NEGR1: variants seen among roughly 807,000 people sequenced by gnomAD.
The protein encoded by NEGR1 is IgLON family member 4.
In NEGR1, 10 loss-of-function variants were observed where a neutral mutation model predicts 40.9. That is an observed-to-expected ratio of 0.24 (90% CI 0.15 to 0.42). NEGR1 has a LOEUF of 0.42. Ranked by LOEUF, NEGR1 falls within the 10% of genes least tolerant of loss-of-function variation. The pLI is 1.00. For missense variants in NEGR1, 352 were observed against 438.9 expected (o/e 0.80, Z 1.77); for synonymous variants, 185 against 166.8 (o/e 1.11, Z -0.84).
chr1:71,669,979 T>C (rs573216106), intron 4 of NEGR1, among the ~76,000 whole-genome samples: 2 of 152,252 alleles, frequency 1.3e-5, no homozygotes, highest in Non-Finnish European at 1.5e-5. Context: ...TTCTAAAACA[T>C]TATTACTAGT....
At chr1:71,848,539 A>G (rs1354599617) in intron 2 of NEGR1, among the ~76,000 whole-genome samples, 1 of 152,230 alleles carries the variant, frequency 6.6e-6, no homozygotes, top group Non-Finnish European at 1.5e-5. Context: ...AAAGGAAACA[A>G]CAAAGCCTGG....
In NEGR1 at chr1:72,157,052, T is replaced by TCCTCAGCTCAAGCAATCCTCCTA. The variant is rs1477207229; in HGVS notation, c.176+125244_176+125266dup. Among the ~76,000 whole-genome samples, 13 of 152,206 alleles carry TCCTCAGCTCAAGCAATCCTCCTA rather than the reference T, an allele frequency of 8.5e-5. No homozygotes were observed. In the East Asian group the frequency reaches 2.5e-3, roughly 29 times the overall value. On this transcript the variant is annotated intron_variant, in intron 1 of 6. Coordinates refer to ENST00000357731, the MANE Select transcript of NEGR1 (RefSeq NM_173808.3). Reference sequence around the variant, plus strand: ...ATCCTAGCTCATAAGAGCCTCCACCTCCTCAGCTCAAGCAATCCTCCTACC... The same window carrying TCCTCAGCTCAAGCAATCCTCCTA: ...ATCCTAGCTCATAAGAGCCTCCACCTCCTCAGCTCAAGCAATCCTCCTACCTCAGCTCAAGCAATCCTCCTACC...
chr1:71,476,010 C>A (rs2101364358), intron 6 of NEGR1, among the ~76,000 whole-genome samples: 1 of 152,098 alleles, frequency 6.6e-6, no homozygotes, highest in African/African-American at 2.4e-5. Flanking sequence ...CTTGATTTAT[C>A]TTTTGAGAAT....
chr1:72,008,341 G>A (rs1440304694), intron 1 of NEGR1, among the ~76,000 whole-genome samples: 2 of 151,978 alleles, frequency 1.3e-5, no homozygotes, highest in Non-Finnish European at 1.5e-5. Flanking sequence ...AAAAAGAAAG[G>A]TTTTTCTATC....
chr1:71,844,418 G>T (rs1018793135), intron 2 of NEGR1, among the ~76,000 whole-genome samples: 1 of 152,018 alleles, frequency 6.6e-6, no homozygotes, highest in Non-Finnish European at 1.5e-5. Flanking sequence ...TTTTACTTAT[G>T]GTTTTAATGG....
chr1:71,814,182 A>T (rs529443152), intron 2 of NEGR1, among the ~76,000 whole-genome samples: 8 of 152,212 alleles, frequency 5.3e-5, no homozygotes, highest in Non-Finnish European at 7.4e-5. Context: ...ATCTGTTGAG[A>T]TAATCATGCG....
chr1:71,514,893 C>A (rs1244220836), intron 6 of NEGR1, among the ~76,000 whole-genome samples: 6 of 107,524 alleles, frequency 5.6e-5, no homozygotes. Flanking sequence ...GCTGATGGAG[C>A]TGAAAACCAA....
At chr1:72,027,725 T>C (rs1234749085) in intron 1 of NEGR1, among the ~76,000 whole-genome samples, 1 of 152,212 alleles carries the variant, frequency 6.6e-6, no homozygotes, top group Non-Finnish European at 1.5e-5. Flanking sequence ...CTTGTGAATG[T>C]ATATCTCCAG....
At chr1:71,471,944 T>G (rs1029539444) in intron 6 of NEGR1, among the ~76,000 whole-genome samples, 23 of 152,062 alleles carry the variant, frequency 1.5e-4, no homozygotes, top group African/African-American at 5.6e-4. Flanking sequence ...CTTATCTTAT[T>G]CTCTATTCTT....
intron 6 of NEGR1, among the ~76,000 whole-genome samples, chr1:71,537,924 C>T (rs148924632): frequency 3.3e-5 from 5 of 151,608 alleles, no homozygotes; most frequent in African/African-American, 1.2e-4. Context: ...TCTTATGGGT[C>T]TTATTATGTG....
At chr1:71,603,253 C>T (rs926507783) in intron 5 of NEGR1, among the ~76,000 whole-genome samples, 1 of 152,176 alleles carries the variant, frequency 6.6e-6, no homozygotes, top group Non-Finnish European at 1.5e-5. Flanking sequence ...ATTTCTAGTA[C>T]TCTTCTAAAT....
intron 2 of NEGR1, among the ~76,000 whole-genome samples, chr1:71,782,874 C>T (rs1481963420): frequency 6.6e-6 from 1 of 152,092 alleles, no homozygotes; most frequent in Non-Finnish European, 1.5e-5. Context: ...AGTCCTTTGC[C>T]TACTATAGCT....
At chr1:71,434,918 C>T (rs544624854) in intron 6 of NEGR1, among the ~76,000 whole-genome samples, 10 of 152,190 alleles carry the variant, frequency 6.6e-5, no homozygotes, top group South Asian at 2.1e-4. Flanking sequence ...GGTGAAACCC[C>T]GTCTCTACTA....
At chr1:71,544,352 T>C (rs2101461075) in intron 6 of NEGR1, among the ~76,000 whole-genome samples, 1 of 151,804 alleles carries the variant, frequency 6.6e-6, no homozygotes, top group East Asian at 2.0e-4. Flanking sequence ...CATTTACTAG[T>C]TTGGTAATTT....
chr1:71,991,026 C>A (rs1254913101), intron 1 of NEGR1, among the ~76,000 whole-genome samples: 2 of 151,826 alleles, frequency 1.3e-5, no homozygotes, highest in Admixed American at 1.3e-4. Context: ...CATTCCCTAT[C>A]TTTGAATAAA....
At chr1:72,263,941 T>C (rs1312180097) in intron 1 of NEGR1, among the ~76,000 whole-genome samples, 2 of 151,496 alleles carry the variant, frequency 1.3e-5, no homozygotes, top group East Asian at 3.9e-4. Context: ...CCATCATTTA[T>C]GTAATACATA....
chr1:71,586,850 A>T (rs1649324878), intron 6 of NEGR1, among the ~76,000 whole-genome samples: 1 of 152,118 alleles, frequency 6.6e-6, no homozygotes, highest in African/African-American at 2.4e-5. Flanking sequence ...TTGGTAGAGA[A>T]CGACTTGATA....
intron 1 of NEGR1, among the ~76,000 whole-genome samples, chr1:72,079,028 T>C (rs1443567408): frequency 6.6e-6 from 1 of 150,434 alleles, no homozygotes; most frequent in African/African-American, 2.4e-5. Context: ...TGAGGTTATT[T>C]AGATTTTAAA....
At chr1:71,535,373 T>A (rs1201459965) in intron 6 of NEGR1, among the ~76,000 whole-genome samples, 1 of 151,672 alleles carries the variant, frequency 6.6e-6, no homozygotes. Flanking sequence ...CAAATAGCTA[T>A]CCCAATGAAC....
Sources: allele counts gnomAD v4.1 joint callset (sites outside exome capture counted in the v4.1 genomes callset), GRCh38; gene constraint gnomAD v4.1.1; transcripts MANE v1.5; gene names NCBI Gene and HGNC (gene_info 2026-07-23, HGNC 2026-07-21).